The following LARGE1 variants were observed in gnomAD, a reference collection of about 807,000 sequenced individuals.
LARGE1 encodes the protein xylosyl- and glucuronyltransferase LARGE1.
In LARGE1, 43 loss-of-function variants were observed where a neutral mutation model predicts 87.6. That is an observed-to-expected ratio of 0.49 (90% CI 0.38 to 0.63). LARGE1 has a LOEUF of 0.63. Ranked by LOEUF, LARGE1 falls within the 30% of genes least tolerant of loss-of-function variation. The pLI, the probability that LARGE1 is intolerant of heterozygous loss-of-function variation, is 0.00. For missense variants in LARGE1, 802 were observed against 1,000.2 expected (o/e 0.80, Z 2.67); for synonymous variants, 434 against 394.6 (o/e 1.10, Z -1.18).
At chr22:33,692,285 G>A (rs1230846139) in intron 2 of LARGE1, among the ~76,000 whole-genome samples, 3 of 151,168 alleles carry the variant, frequency 2.0e-5, no homozygotes, top group East Asian at 2.0e-4. Context: ...GCAGTAACAC[G>A]GCCTTCCCCA....
chr22:33,389,570 T>C (rs11705582), intron 7 of LARGE1, among the ~76,000 whole-genome samples: 65,654 of 152,038 alleles, frequency 0.43, 17,476 homozygotes, highest in African/African-American at 0.76. Context: ...ACTAGCTGGG[T>C]GCGGTGGCTC....
At chr22:33,305,389 G>C (rs1223100930) in intron 11 of LARGE1, among the ~76,000 whole-genome samples, 2 of 151,176 alleles carry the variant, frequency 1.3e-5, no homozygotes, top group Non-Finnish European at 2.9e-5. Context: ...TGTGTGTGGA[G>C]GGTTTGCAAC....
intron 1 of LARGE1, among the ~76,000 whole-genome samples, chr22:33,916,756 G>A (rs566828992): frequency 2.0e-5 from 3 of 152,168 alleles, no homozygotes; most frequent in Non-Finnish European, 4.4e-5. Context: ...CCAGCCTCCT[G>A]CCTCTACTTC....
intron 11 of LARGE1, among the ~76,000 whole-genome samples, chr22:33,202,161 T>C (rs1449426705): frequency 6.6e-6 from 1 of 151,660 alleles, no homozygotes; most frequent in Non-Finnish European, 1.5e-5. Context: ...ACAATTGTTA[T>C]TATATTAAGA....
At chr22:33,549,936 T>C (rs1471413612) in intron 6 of LARGE1, among the ~76,000 whole-genome samples, 3 of 152,194 alleles carry the variant, frequency 2.0e-5, no homozygotes, top group Non-Finnish European at 2.9e-5. Flanking sequence ...ACTCACCCTT[T>C]GTTTACGGCT....
chr22:33,827,609 G>A (rs1425993591), intron 1 of LARGE1, among the ~76,000 whole-genome samples: 2 of 152,304 alleles, frequency 1.3e-5, no homozygotes, highest in African/African-American at 4.8e-5. Flanking sequence ...CTGTCCCATC[G>A]TGGCCAATGC....
At chr22:33,430,335 T>G (rs724775) in intron 7 of LARGE1, among the ~76,000 whole-genome samples, 15,289 of 152,194 alleles carry the variant, frequency 0.1, 946 homozygotes, top group Admixed American at 0.23. Context: ...GTAGAGGCCC[T>G]GCCTTACCCA....
chr22:33,839,293 C>G (rs926606460), intron 1 of LARGE1, among the ~76,000 whole-genome samples: 7 of 152,258 alleles, frequency 4.6e-5, no homozygotes, highest in African/African-American at 1.7e-4. Flanking sequence ...TTTTAAACAA[C>G]CAGATTTCTC....
At chr22:33,792,386 T>A (rs1174689120) in intron 1 of LARGE1, among the ~76,000 whole-genome samples, 1 of 152,200 alleles carries the variant, frequency 6.6e-6, no homozygotes, top group East Asian at 1.9e-4. Flanking sequence ...TGAAGAAGGA[T>A]GTGCTTGCTT....
chr22:33,836,265 T>C (rs1423988441), intron 1 of LARGE1, among the ~76,000 whole-genome samples: 3 of 152,222 alleles, frequency 2.0e-5, no homozygotes, highest in South Asian at 4.1e-4. Context: ...TCTCTGAGCA[T>C]GGTAGCTCCT....
chr22:33,257,446 CAAAAACA>C (rs1927364178), intron 11 of LARGE1, among the ~76,000 whole-genome samples: 1 of 144,216 alleles, frequency 6.9e-6, no homozygotes, highest in African/African-American at 2.7e-5. Flanking sequence ...AAAACAAAAA[CAAAAACA>C]AAAACAAAAA....
chr22:33,860,936 G>A (rs191713861), intron 1 of LARGE1, among the ~76,000 whole-genome samples: 2 of 152,218 alleles, frequency 1.3e-5, no homozygotes, highest in Admixed American at 1.3e-4. Context: ...ACCCTTGCCC[G>A]TACATCCATG....
intron 5 of LARGE1, among the ~76,000 whole-genome samples, chr22:33,573,510 C>G (rs2078267088): frequency 6.6e-6 from 1 of 152,120 alleles, no homozygotes; most frequent in Non-Finnish European, 1.5e-5. Context: ...TCCAGTTTAG[C>G]TCAGTTGAGA....
intron 6 of LARGE1, among the ~76,000 whole-genome samples, chr22:33,515,786 G>C (rs1450900766): frequency 1.6e-4 from 24 of 152,174 alleles, no homozygotes; most frequent in Admixed American, 1.6e-3. Flanking sequence ...ACACTGGCAG[G>C]AAGAAGGTGC....
At chr22:33,471,118 C>A (rs2068822040) in intron 6 of LARGE1, among the ~76,000 whole-genome samples, 1 of 151,176 alleles carries the variant, frequency 6.6e-6, no homozygotes, top group Non-Finnish European at 1.5e-5. Flanking sequence ...ACCTCTGCCA[C>A]CTGGGTTCAA....
chr22:33,309,027 T>C (rs778520578), intron 11 of LARGE1, among the ~76,000 whole-genome samples: 29 of 152,136 alleles, frequency 1.9e-4, no homozygotes, highest in Non-Finnish European at 2.5e-4. Context: ...ATGCATCTGG[T>C]ATACTATACA....
chr22:33,650,564 C>G lies in LARGE1; in HGVS notation c.211G>C (p.Glu71Gln), dbSNP rs116164106. 1.2e-6 allele frequency: 2 copies of G among 1,607,862 alleles called. No homozygotes were observed. The highest frequency in any genetic ancestry group is 2.7e-5 in the African/African-American group (2 of 74,936). ...AGGGCGCGGTTCTCCTCCTCCACCTCGCGCATGCGCACCTCCAGGCTCTCG... is the reference window on the plus strand; with the variant it reads ...AGGGCGCGGTTCTCCTCCTCCACCTGGCGCATGCGCACCTCCAGGCTCTCG... Reference protein sequence around the residue: ...ERESLEVRMREVEEENRALRR... With the variant: ...ERESLEVRMRQVEEENRALRR... The change falls in exon 3 of 15, where the codon GAG (glutamate) becomes CAG (glutamine). Residue 71 changes from glutamate (E) to glutamine (Q), a missense_variant. Glu to Gln is a conservative substitution (Grantham distance 29). Transcript: ENST00000397394.
chr22:33,913,265 C>A (rs947410425), intron 1 of LARGE1, among the ~76,000 whole-genome samples: 4 of 152,202 alleles, frequency 2.6e-5, no homozygotes, highest in African/African-American at 9.7e-5. Flanking sequence ...ACTTTTTAAA[C>A]CACTTTTGTT....
chr22:33,882,035 G>GTTTTTTTTTTTTTTT (rs56757133), intron 1 of LARGE1, among the ~76,000 whole-genome samples: 9 of 144,224 alleles, frequency 6.2e-5, no homozygotes, highest in African/African-American at 2.1e-4. Context: ...TTTTGTTTTT[G>GTTTTTTTTTTTTTTT]TTTTTTTTTG....
Sources: allele counts gnomAD v4.1 joint callset (sites outside exome capture counted in the v4.1 genomes callset), GRCh38; gene constraint gnomAD v4.1.1; transcripts MANE v1.5; gene names NCBI Gene and HGNC (gene_info 2026-07-23, HGNC 2026-07-21).